Variants in ECSIT observed in about 807,000 individuals in gnomAD.
ECSIT encodes the protein ECSIT signaling integrator.
ECSIT carries 29 observed loss-of-function variants against 36.8 expected under a neutral mutation model. The observed-to-expected ratio is 0.79, with a 90% CI of 0.59 to 1.08. ECSIT has a LOEUF of 1.08. Ranked by LOEUF, ECSIT falls within the 50% of genes least tolerant of loss-of-function variation. ECSIT has a pLI of 0.00. For missense variants in ECSIT, 542 were observed against 581.0 expected (o/e 0.93, Z 0.69); for synonymous variants, 231 against 234.8 (o/e 0.98, Z 0.15).
In ECSIT at chr19:11,513,980, G is replaced by A; in HGVS notation, c.338C>T (p.Ala113Val). The change falls in exon 3 of 8, where the codon GCC (alanine) becomes GTC (valine). Residue 113 changes from alanine to valine, a missense_variant. By Grantham distance (64) the Ala-to-Val change is moderately conservative. Transcript: ENST00000270517. Reference protein sequence around the residue: ...KRGHIDFIYLALRKMREYGVE... With the variant: ...KRGHIDFIYLVLRKMREYGVE... The stretch of plus-strand genomic sequence containing the variant: ...ACCATACTCCCGCATCTTGCGCAGG[G>A]CCAGGTAGATGAAGTCAATGTGGCC... 6.2e-7 allele frequency: 1 copy of A among 1,614,226 alleles called. No homozygotes were observed. Among genetic ancestry groups the A allele is most frequent in the Non-Finnish European group, 8.5e-7 (1 of 1,180,040 alleles).
At chr19:11,520,166 T>TTTTTTTC (rs914191780) in intron 1 of ECSIT, among the ~76,000 whole-genome samples, 3 of 152,092 alleles carry the variant, frequency 2.0e-5, no homozygotes, top group African/African-American at 7.2e-5. Context: ...CTTGACATGT[T>TTTTTTTC]TTTTTTCTTT....
At chr19:11,510,054 GTAGAGAC>G (rs1008117701) in intron 4 of ECSIT, among the ~76,000 whole-genome samples, 1 of 151,936 alleles carries the variant, frequency 6.6e-6, no homozygotes, top group Non-Finnish European at 1.5e-5. Context: ...TGTATTTTTA[GTAGAGAC>G]GAGGTTTCTC....
chr19:11,507,889 ACTC>A, intron 5 of ECSIT, 39 bp from the exon 6 acceptor site: 1 of 1,613,726 alleles, frequency 6.2e-7, no homozygotes, highest in Non-Finnish European at 8.5e-7. Flanking sequence ...CCTGCAAGGG[ACTC>A]GGCCCAGAGG....
At chr19:11,515,865 C>G (rs1258195682) in intron 2 of ECSIT, among the ~76,000 whole-genome samples, 2 of 152,306 alleles carry the variant, frequency 1.3e-5, no homozygotes, top group East Asian at 3.9e-4. Flanking sequence ...AACTCCTGAC[C>G]TTGTGATCCG....
intron 1 of ECSIT, chr19:11,522,569 C>T (rs1341227530): frequency 4.7e-6 from 3 of 645,074 alleles, no homozygotes; most frequent in African/African-American, 1.8e-5. Context: ...AAAAAATTAG[C>T]CAGTCATGGT....
chr19:11,516,393 C>G (rs2144985458), intron 2 of ECSIT: 1 of 152,204 alleles, frequency 6.6e-6, no homozygotes, highest in East Asian at 1.9e-4. Flanking sequence ...TATAAGGCAT[C>G]TTAAAAATAT....
At position 11,506,261 on chromosome 19, in the gene ECSIT, G is replaced by T. The variant is rs1971734094; in HGVS notation, c.1219C>A (p.Leu407Met). 6.2e-7 allele frequency: 1 copy of T among 1,611,232 alleles called. No homozygotes were observed. Among genetic ancestry groups the T allele is most frequent in the Non-Finnish European group, 8.5e-7 (1 of 1,179,858 alleles). ...TRELQTSSAG[L>M]EEPPLPEDHQ... is the part of the protein sequence containing the mutation. ...TCCTCGGGCAGGGGCGGCTCCTCCA[G>T]CCCTGCAGAGGATGTCTGGAGCTCC... The change falls in exon 8 of 8, where the codon CTG becomes ATG. Residue 407 changes from leucine to methionine, a missense_variant. By Grantham distance (15) the Leu-to-Met change is conservative. Coordinates refer to ENST00000270517, the MANE Select transcript of ECSIT (RefSeq NM_016581.5).
intron 1 of ECSIT, among the ~76,000 whole-genome samples, chr19:11,526,206 A>G (rs113807561): frequency 0.032 from 4,813 of 152,010 alleles, 113 homozygotes; most frequent in Admixed American, 0.067. Flanking sequence ...CTTGTGATCC[A>G]CCTGCCTTGG....
chr19:11,523,991 G>A (rs1352563636), intron 1 of ECSIT, among the ~76,000 whole-genome samples: 4 of 152,040 alleles, frequency 2.6e-5, no homozygotes, highest in African/African-American at 7.2e-5. Context: ...TATGATCATG[G>A]CTCACTGCAG....
intron 1 of ECSIT, chr19:11,523,598 A>G (rs909023120): frequency 2.1e-5 from 20 of 953,028 alleles, no homozygotes; most frequent in Non-Finnish European, 3.2e-5. Flanking sequence ...GCTTGATCCA[A>G]CTGTGATAAG....
intron 1 of ECSIT, among the ~76,000 whole-genome samples, chr19:11,521,068 A>C (rs1972093180): frequency 6.6e-6 from 1 of 152,186 alleles, no homozygotes; most frequent in African/African-American, 2.4e-5. Context: ...GGCCTCCCAA[A>C]TTGCTAGGAT....
At chr19:11,523,707 CTGTAAAAT>C (rs1972154596) in intron 1 of ECSIT, 1 of 698,816 alleles carries the variant, frequency 1.4e-6, no homozygotes, top group African/African-American at 1.8e-5. Context: ...GGGTAGCGCT[CTGTAAAAT>C]TGAGAGAAGG....
chr19:11,515,202 C>G (rs145153941), intron 2 of ECSIT, among the ~76,000 whole-genome samples: 4,930 of 150,170 alleles, frequency 0.033, 262 homozygotes, highest in African/African-American at 0.12. Flanking sequence ...CTCCCGGGTT[C>G]ACGCCATTCT....
intron 4 of ECSIT, among the ~76,000 whole-genome samples, chr19:11,512,832 A>G (rs953653823): frequency 2.0e-5 from 3 of 151,960 alleles, no homozygotes; most frequent in Admixed American, 6.6e-5. Flanking sequence ...AGTCCCAGCT[A>G]CTCAGGAGGC....
At chr19:11,509,127 A>G (rs1329295474) in intron 4 of ECSIT, among the ~76,000 whole-genome samples, 1 of 149,438 alleles carries the variant, frequency 6.7e-6, no homozygotes, top group Non-Finnish European at 1.5e-5. Flanking sequence ...CTGGAGTGCA[A>G]TGGGGCTTGA....
intron 1 of ECSIT, among the ~76,000 whole-genome samples, chr19:11,522,717 AAATT>A (rs1423930043): frequency 2.7e-5 from 4 of 150,470 alleles, no homozygotes; most frequent in Non-Finnish European, 4.4e-5. Context: ...TGTCTCAAAA[AAATT>A]AATTAATTAA....
rs760940087 is a variant in ECSIT, at chr19:11,506,438, G to A, written c.1052-10C>T. 6.2e-7 allele frequency: 1 copy of A among 1,606,964 alleles called. No individual in the cohort carries two copies. Among genetic ancestry groups the A allele is most frequent in the Non-Finnish European group, 8.5e-7 (1 of 1,175,400 alleles). ...ACAGGGCCTTCCTCCACTGTTGGAA[G>A]ACATGCACCCTTAAGGTTTGCACAG... On this transcript the variant is annotated splice_polypyrimidine_tract_variant and intron_variant, in intron 7 of 7. Coordinates refer to ENST00000270517, the MANE Select transcript of ECSIT (RefSeq NM_016581.5).
intron 1 of ECSIT, among the ~76,000 whole-genome samples, chr19:11,524,450 A>T (rs1277362286): frequency 1.3e-5 from 2 of 151,948 alleles, no homozygotes; most frequent in African/African-American, 4.8e-5. Context: ...TGAACCCAGG[A>T]GGTGGAGTTT....
At chr19:11,520,203 G>A (rs555797520) in intron 1 of ECSIT, among the ~76,000 whole-genome samples, 9 of 151,594 alleles carry the variant, frequency 5.9e-5, no homozygotes, top group Admixed American at 1.3e-4. Flanking sequence ...ATGCAGTCTC[G>A]CTCTGTCACC....
Sources: allele counts gnomAD v4.1 joint callset (sites outside exome capture counted in the v4.1 genomes callset), GRCh38; gene constraint gnomAD v4.1.1; transcripts MANE v1.5; gene names NCBI Gene and HGNC (gene_info 2026-07-23, HGNC 2026-07-21).